ADAMTS19: variants seen among roughly 807,000 people sequenced by gnomAD.
ADAMTS19 encodes A disintegrin and metalloproteinase with thrombospondin motifs 19.
A neutral mutation model predicts 153.3 loss-of-function variants in ADAMTS19; 93 were observed. That is an observed-to-expected ratio of 0.61 (90% CI 0.51 to 0.72). ADAMTS19 has a LOEUF of 0.72. Ranked by LOEUF, ADAMTS19 falls within the 30% of genes least tolerant of loss-of-function variation. The pLI is 0.00. For missense variants in ADAMTS19, 1,482 were observed against 1,552.1 expected, an observed-to-expected ratio of 0.95 and a Z score of 0.76; for synonymous variants, 600 against 556.6, an observed-to-expected ratio of 1.08 and a Z score of -1.10.
intron 21 of ADAMTS19, among the ~76,000 whole-genome samples, chr5:129,706,906 T>C (rs931502116): frequency 1.3e-5 from 2 of 152,230 alleles, no homozygotes; most frequent in Non-Finnish European, 2.9e-5. Flanking sequence ...TTTATGAATA[T>C]ATGTATGTAA....
rs543085550 is a variant in ADAMTS19 at position 129,572,603 on chromosome 5, T to C, written c.1372+20696T>C. 2.9e-4 allele frequency among the ~76,000 whole-genome samples: 44 copies of C among 152,050 alleles called. No homozygotes were observed. In the South Asian group the frequency reaches 4.8e-3, roughly 16 times the overall value. On this transcript the variant is annotated intron_variant, in intron 7 of 22. Coordinates refer to ENST00000274487, the MANE Select transcript of ADAMTS19 (RefSeq NM_133638.6). ...CTATTCAGCAATGAAAAGAAATGAATTAGTGATCCATCTAACTGCTTGGAA... is the reference window on the plus strand; with the variant it reads ...CTATTCAGCAATGAAAAGAAATGAACTAGTGATCCATCTAACTGCTTGGAA...
intron 6 of ADAMTS19, among the ~76,000 whole-genome samples, chr5:129,529,432 G>C (rs1284932669): frequency 1.3e-5 from 2 of 152,082 alleles, no homozygotes; most frequent in African/African-American, 4.8e-5. Flanking sequence ...TAATTCATAA[G>C]GTTGAAAAAT....
intron 3 of ADAMTS19, among the ~76,000 whole-genome samples, chr5:129,523,677 A>G (rs7722557): frequency 0.01 from 1,543 of 152,292 alleles, 21 homozygotes; most frequent in African/African-American, 0.034. Flanking sequence ...TCAACTGCTG[A>G]AATTTCCCAG....
At chr5:129,638,099 T>C (rs1752613936) in intron 10 of ADAMTS19, among the ~76,000 whole-genome samples, 2 of 152,150 alleles carry the variant, frequency 1.3e-5, no homozygotes, top group African/African-American at 2.4e-5. Context: ...AATCTTCATA[T>C]GTACCACTAA....
At chr5:129,481,101 ATAC>A (rs1473117899) in intron 2 of ADAMTS19, among the ~76,000 whole-genome samples, 1 of 152,176 alleles carries the variant, frequency 6.6e-6, no homozygotes, top group Non-Finnish European at 1.5e-5. Context: ...TGCTATAAAG[ATAC>A]TACCTGAGAC....
intron 21 of ADAMTS19, among the ~76,000 whole-genome samples, chr5:129,706,984 T>C (rs1756188704): frequency 6.6e-6 from 1 of 152,220 alleles, no homozygotes; most frequent in Admixed American, 6.5e-5. Context: ...GCTACCCAAC[T>C]AGAACATAGC....
At chr5:129,519,809 G>T (rs1397077519) in intron 3 of ADAMTS19, among the ~76,000 whole-genome samples, 5 of 152,066 alleles carry the variant, frequency 3.3e-5, no homozygotes, top group Non-Finnish European at 5.9e-5. Context: ...TGCCTTCTCT[G>T]TGTCTTCTTG....
intron 2 of ADAMTS19, among the ~76,000 whole-genome samples, chr5:129,467,909 A>G (rs1749925465): frequency 6.6e-6 from 1 of 152,230 alleles, no homozygotes; most frequent in Admixed American, 6.5e-5. Flanking sequence ...ATAGACAAAT[A>G]TATATACATG....
At chr5:129,735,599 T>C (rs1289058974) in intron 22 of ADAMTS19, among the ~76,000 whole-genome samples, 1 of 152,050 alleles carries the variant, frequency 6.6e-6, no homozygotes, top group East Asian at 1.9e-4. Context: ...TTCTATTTTC[T>C]TTTTAAGTTT....
At chr5:129,494,675 C>A (rs1750869388) in intron 2 of ADAMTS19, among the ~76,000 whole-genome samples, 2 of 152,168 alleles carry the variant, frequency 1.3e-5, no homozygotes, top group Non-Finnish European at 2.9e-5. Flanking sequence ...CTGAATTGGT[C>A]TCTTCTTCCC....
At position 129,479,781 on chromosome 5, in the gene ADAMTS19, G is replaced by T. The variant is rs527406471; in HGVS notation, c.747+18024G>T. Among the ~76,000 whole-genome samples the T allele has an allele frequency of 3.3e-5, 5 of 152,078 alleles. No homozygotes were observed. In the South Asian group the frequency reaches 1.0e-3, roughly 31 times the overall value. ...TGTATACCAAAAACTGTAAAATATT[G>T]CTTGAATATTATAAAATATTGACAG... is the stretch of plus-strand genomic sequence containing the variant. On this transcript the variant is annotated intron_variant, in intron 2 of 22. Coordinates refer to ENST00000274487, the MANE Select transcript of ADAMTS19 (RefSeq NM_133638.6).
chr5:129,570,578 G>C lies in ADAMTS19; in HGVS notation c.1372+18671G>C, dbSNP rs576702466. Among the ~76,000 whole-genome samples the C allele has an allele frequency of 1.4e-3, 213 of 151,110 alleles. 2 individuals are homozygous for C. Among genetic ancestry groups the C allele is most frequent in the African/African-American group, 5.0e-3 (207 of 41,278 alleles). ...GATCTTTCAAAAAACAAATGTCAAG[G>C]ATACTTAGATTTACCGATACTAAAA... On this transcript the variant is annotated intron_variant, in intron 7 of 22. Coordinates refer to ENST00000274487, the MANE Select transcript of ADAMTS19 (RefSeq NM_133638.6).
chr5:129,597,134 A>G (rs1422180394), intron 8 of ADAMTS19, among the ~76,000 whole-genome samples: 1 of 152,214 alleles, frequency 6.6e-6, no homozygotes, highest in Non-Finnish European at 1.5e-5. Flanking sequence ...ATTAACACAT[A>G]TTGAATATTA....
intron 7 of ADAMTS19, among the ~76,000 whole-genome samples, chr5:129,562,063 T>A (rs1271912701): frequency 6.6e-6 from 1 of 152,172 alleles, no homozygotes; most frequent in African/African-American, 2.4e-5. Flanking sequence ...ACTTTGTTCA[T>A]TTTTAGGCAA....
At chr5:129,657,141 A>C (rs1198373821) in intron 14 of ADAMTS19, among the ~76,000 whole-genome samples, 2 of 152,168 alleles carry the variant, frequency 1.3e-5, no homozygotes, top group Non-Finnish European at 2.9e-5. Flanking sequence ...TGACTTGCTG[A>C]TCAGAGTTTT....
intron 18 of ADAMTS19, among the ~76,000 whole-genome samples, chr5:129,693,205 T>A (rs565060357): frequency 6.6e-6 from 1 of 152,224 alleles, no homozygotes; most frequent in Non-Finnish European, 1.5e-5. Context: ...TGCTGTTTAC[T>A]TAGCCAACCA....
At chr5:129,684,635 A>G (rs2127128141) in intron 18 of ADAMTS19, among the ~76,000 whole-genome samples, 1 of 152,298 alleles carries the variant, frequency 6.6e-6, no homozygotes, top group African/African-American at 2.4e-5. Flanking sequence ...ATGAAATCTT[A>G]AAAGTTCTAA....
intron 2 of ADAMTS19, among the ~76,000 whole-genome samples, chr5:129,497,399 A>G (rs1750963027): frequency 6.6e-6 from 1 of 151,970 alleles, no homozygotes; most frequent in East Asian, 1.9e-4. Context: ...AGTCTTAGGG[A>G]CTGAAAAATG....
rs141144660 is a variant in ADAMTS19, at chr5:129,735,996, A to G, written c.3490+887A>G. On this transcript the variant is annotated intron_variant, in intron 22 of 22. Transcript: ENST00000274487. ...TATCATGTGTATTTTTCCAGGCATA[A>G]GACTCAATCAAATGTGAAAGCTTGG... Among the ~76,000 whole-genome samples, 790 of 152,216 alleles carry G rather than the reference A, an allele frequency of 5.2e-3. 7 individuals are homozygous for G. The highest frequency in any genetic ancestry group is 0.018 in the African/African-American group (764 of 41,590).
Sources: allele counts gnomAD v4.1 joint callset (sites outside exome capture counted in the v4.1 genomes callset), GRCh38; gene constraint gnomAD v4.1.1; transcripts MANE v1.5; gene names NCBI Gene and HGNC (gene_info 2026-07-23, HGNC 2026-07-21).